Variants in ANKRD62 observed in about 807,000 individuals in gnomAD.
The protein encoded by ANKRD62 is ankyrin repeat domain 62.
Under a neutral mutation model 98.8 loss-of-function variants are expected in ANKRD62, and 61 were observed. That is an observed-to-expected ratio of 0.62 (90% confidence interval 0.50 to 0.76). ANKRD62 has a LOEUF of 0.76. Ranked by LOEUF, ANKRD62 falls within the 30% of genes least tolerant of loss-of-function variation. ANKRD62 has a pLI of 0.00. For synonymous variants in ANKRD62, 341 were observed against 367.9 expected, an observed-to-expected ratio of 0.93 and a Z score of 0.84; for missense variants, 933 against 1,082.9, an observed-to-expected ratio of 0.86 and a Z score of 1.94.
At chr18:12,152,332 C>T in the ANKRD62 span, among the ~76,000 whole-genome samples, 3 of 152,220 alleles carry the variant, frequency 2.0e-5, no homozygotes, top group African/African-American at 7.2e-5. Flanking sequence ...TGCATAAATC[C>T]TCAACAAAAT....
At chr18:12,131,950 C>A (rs943527258), downstream of ANKRD62, among the ~76,000 whole-genome samples, 10 of 152,060 alleles carry the variant, frequency 6.6e-5, no homozygotes, top group Non-Finnish European at 1.3e-4. Flanking sequence ...CATCTACATG[C>A]CATGAGAGTC....
rs1909931937 is a variant in ANKRD62, at chr18:12,128,150, TAGAGA to T, written c.*213_*217del. 3.5e-6 allele frequency: 1 copy of T among 282,534 alleles called. No homozygotes were observed. Among genetic ancestry groups the T allele is most frequent in the Non-Finnish European group, 6.3e-6 (1 of 157,578 alleles). The allele number at this position is 282,534 out of a possible 1,614,324, so 17.5% of individuals were successfully genotyped here. ...TTACACATCATTTCTCACAGAAGAT[TAGAGA>T]ATTCTTTTTTCTTTTTACAGTATAT... On this transcript the variant is annotated 3_prime_UTR_variant, in exon 14 of 14. Coordinates refer to ENST00000587848, the MANE Select transcript of ANKRD62 (RefSeq NM_001277333.2).
chr18:12,137,960 C>T, the ANKRD62 span, among the ~76,000 whole-genome samples: 1,074 of 152,064 alleles, frequency 7.1e-3, 18 homozygotes, highest in Admixed American at 0.05. Flanking sequence ...GTCTTGCTAG[C>T]GGTCTATCAA....
At chr18:12,113,073 T>G (rs1255748034) in intron 8 of ANKRD62, among the ~76,000 whole-genome samples, 1 of 152,118 alleles carries the variant, frequency 6.6e-6, no homozygotes, top group Non-Finnish European at 1.5e-5. Context: ...TTTTGTATTT[T>G]TAGCAGAGAT....
At chr18:12,135,950 G>T in the ANKRD62 span, among the ~76,000 whole-genome samples, 2 of 152,104 alleles carry the variant, frequency 1.3e-5, no homozygotes, top group African/African-American at 4.8e-5. Flanking sequence ...TTAGCCCTTT[G>T]TCAGATCAGT....
chr18:12,118,196 G>A (rs1351619056), intron 10 of ANKRD62, among the ~76,000 whole-genome samples: 2 of 152,182 alleles, frequency 1.3e-5, no homozygotes, highest in Non-Finnish European at 2.9e-5. Flanking sequence ...AAAATCCTCA[G>A]TACTCTGCCT....
intron 6 of ANKRD62, chr18:12,101,934 G>A (rs1227291701): frequency 6.1e-6 from 5 of 816,462 alleles, no homozygotes; most frequent in Non-Finnish European, 1.1e-5. Context: ...TGAATGGCAT[G>A]ACAAAGCAGA....
chr18:12,131,362 G>T (rs1910000899), downstream of ANKRD62, among the ~76,000 whole-genome samples: 1 of 152,094 alleles, frequency 6.6e-6, no homozygotes, highest in Non-Finnish European at 1.5e-5. Context: ...TAGTGAATGG[G>T]TTGCTTGGTT....
rs1568066213 is a variant in ANKRD62, at chr18:12,125,791, G to A, written c.1970G>A (p.Arg657His). The change falls in exon 13 of 14, where the codon CGT becomes CAT. Residue 657 changes from arginine to histidine, a missense_variant. Transcript: ENST00000587848. Reference protein sequence around the residue: ...SRLETEMESYRCRLAAALCDH... With the variant: ...SRLETEMESYHCRLAAALCDH... Reference sequence around the variant, plus strand: ...CTGGAAACAGAAATGGAATCATACCGTTGTAGACTGGCTGCTGCCCTATGT... The same window carrying A: ...CTGGAAACAGAAATGGAATCATACCATTGTAGACTGGCTGCTGCCCTATGT... The A allele has an allele frequency of 2.0e-5, 31 of 1,549,426 alleles. No homozygotes were observed. The highest frequency in any genetic ancestry group is 1.7e-4 in the Middle Eastern group (1 of 5,996).
chr18:12,116,962 G>A (rs1326274164), intron 10 of ANKRD62, among the ~76,000 whole-genome samples: 3 of 152,054 alleles, frequency 2.0e-5, no homozygotes, highest in Non-Finnish European at 4.4e-5. Context: ...TAGTGTATAC[G>A]TCTTTCTATA....
chr18:12,177,456 G>A, the ANKRD62 span, among the ~76,000 whole-genome samples: 1 of 152,178 alleles, frequency 6.6e-6, no homozygotes. Flanking sequence ...ATAGTGAGAG[G>A]AGAGGGTGGC....
At position 12,128,122 on chromosome 18, in the gene ANKRD62, G is replaced by T; in HGVS notation, c.*183G>T. The T allele has an allele frequency of 3.0e-6, 1 of 329,592 alleles. No homozygotes were observed. Among genetic ancestry groups the T allele is most frequent in the Admixed American group, 4.8e-5 (1 of 20,876 alleles). The allele number at this position is 329,592 out of a possible 1,614,324, so 20.4% of individuals were successfully genotyped here. A position where few individuals can be genotyped will look rare whatever the true frequency, so the allele number is the denominator to read the frequency against. On this transcript the variant is annotated 3_prime_UTR_variant, in exon 14 of 14. Transcript: ENST00000587848. ...CACTATTTCCCCTTATGAAAGTTGA[G>T]AATTACACATCATTTCTCACAGAAG...
chr18:12,123,107 G>A (rs1333032480), intron 11 of ANKRD62, among the ~76,000 whole-genome samples: 2 of 152,012 alleles, frequency 1.3e-5, no homozygotes, highest in Non-Finnish European at 2.9e-5. Flanking sequence ...GGAGTGCAGC[G>A]GCGAAATCTC....
At position 12,115,412 on chromosome 18, in the gene ANKRD62, T is replaced by C; in HGVS notation, c.1118T>C (p.Phe373Ser). ...EKSKVKSQIY[F>S]TDDLNDISGS... ...TTATAGGTTAAAAGCCAAATATATTTCACGGATGACCTTAATGACATAAGT... is the reference window on the plus strand; with the variant it reads ...TTATAGGTTAAAAGCCAAATATATTCCACGGATGACCTTAATGACATAAGT... The change falls in exon 10 of 14, where the codon TTC (phenylalanine) becomes TCC (serine). Residue 373 changes from phenylalanine to serine, a missense_variant. Around this residue, in one of 3 missense-constraint regions of ANKRD62, gnomAD observed 549 missense variants for 587.9 expected, o/e 0.93. Coordinates refer to ENST00000587848, the MANE Select transcript of ANKRD62 (RefSeq NM_001277333.2). 4 of 1,534,850 alleles carry C rather than the reference T, an allele frequency of 2.6e-6. No homozygotes were observed. The highest frequency in any genetic ancestry group is 3.5e-6 in the Non-Finnish European group (4 of 1,145,790).
chr18:12,115,361 G>A (rs1175999602), intron 9 of ANKRD62, 32 bp from the exon 10 acceptor site: 3 of 1,505,058 alleles, frequency 2.0e-6, no homozygotes, highest in African/African-American at 2.8e-5. Context: ...ATATTTCGAG[G>A]GCATTTTGAA....
rs1421302865 is a variant in ANKRD62 at position 12,122,319 on chromosome 18, G to A, written c.1257G>A (p.Ser419=). The A allele has an allele frequency of 1.3e-5, 20 of 1,534,124 alleles. No individual in the cohort carries two copies. The highest frequency in any genetic ancestry group is 4.9e-5 in the East Asian group (2 of 40,788). The change falls in exon 11 of 14, where the codon TCG becomes TCA. Residue 419 remains serine (S), a synonymous_variant. Coordinates refer to ENST00000587848, the MANE Select transcript of ANKRD62 (RefSeq NM_001277333.2). ...TGGTAACAGATTTTGTTAGCCTATCGAAAAGCAAGAATGCAACAGCTGCAT... is the reference window on the plus strand; with the variant it reads ...TGGTAACAGATTTTGTTAGCCTATCAAAAAGCAAGAATGCAACAGCTGCAT... ...GMECKDFVSL[S]KSKNATAACG... is the part of the protein sequence containing the mutation.
chr18:12,140,192 C>T, the ANKRD62 span, among the ~76,000 whole-genome samples: 1,615 of 152,328 alleles, frequency 0.011, 22 homozygotes, highest in African/African-American at 0.036. Context: ...TGGTTTTCAG[C>T]TCCATCAGGT....
chr18:12,137,250 A>G, the ANKRD62 span, among the ~76,000 whole-genome samples: 1 of 152,178 alleles, frequency 6.6e-6, no homozygotes, highest in African/African-American at 2.4e-5. Context: ...GAGAATTTTT[A>G]GCATGAAGGG....
At chr18:12,133,516 G>A (rs935819639), downstream of ANKRD62, among the ~76,000 whole-genome samples, 14 of 152,098 alleles carry the variant, frequency 9.2e-5, no homozygotes, top group African/African-American at 3.4e-4. Context: ...GTGTATGAGG[G>A]TTCCAATTTC....
Sources: gnomAD v4.1 joint callset for allele counts (sites outside exome capture counted in the v4.1 genomes callset) on GRCh38, gnomAD v4.1.1 for gene constraint, gnomAD v4.1.1 regional missense constraint, MANE v1.5 for transcripts, NCBI Gene and HGNC (gene_info 2026-07-23, HGNC 2026-07-21) for gene names.